Variants in KIAA2012 observed in about 807,000 individuals in gnomAD.
KIAA2012 encodes uncharacterized protein KIAA2012.
A neutral mutation model predicts 150.6 loss-of-function variants in KIAA2012; 125 were observed. The ratio of observed to expected loss-of-function variants is 0.83; its 90% confidence interval spans 0.72 to 0.96. The LOEUF (loss-of-function observed/expected upper bound fraction) is 0.96, where lower values mean the gene tolerates loss of function less well. KIAA2012 is among the 40% of genes least tolerant of loss of function. The pLI is 0.00. For missense variants in KIAA2012, 1,219 were observed against 1,354.9 expected, an observed-to-expected ratio of 0.90 and a Z score of 1.57; for synonymous variants, 462 against 504.7, an observed-to-expected ratio of 0.92 and a Z score of 1.13.
chr2:202,133,101 T>TAAAAAAAAAAAAA (rs376450801), intron 12 of KIAA2012, among the ~76,000 whole-genome samples: 1 of 74,186 alleles, frequency 1.3e-5, no homozygotes, highest in African/African-American at 6.0e-5. Context: ...TGAGACTGTC[T>TAAAAAAAAAAAAA]AAAAAAAAAT....
intron 13 of KIAA2012, among the ~76,000 whole-genome samples, chr2:202,149,876 G>A (rs1455140437): frequency 6.6e-6 from 1 of 152,172 alleles, no homozygotes; most frequent in Non-Finnish European, 1.5e-5. Flanking sequence ...AAATTACTGG[G>A]GAGAAGGATT....
chr2:202,098,314 C>T (rs1000925027), intron 5 of KIAA2012, among the ~76,000 whole-genome samples: 1 of 152,140 alleles, frequency 6.6e-6, no homozygotes, highest in Non-Finnish European at 1.5e-5. Context: ...AAGCCAAGAT[C>T]GCACCACTGC....
intron 15 of KIAA2012, among the ~76,000 whole-genome samples, chr2:202,173,791 C>G (rs1309165830): frequency 6.6e-6 from 1 of 151,980 alleles, no homozygotes; most frequent in Non-Finnish European, 1.5e-5. Flanking sequence ...GGGGAAAAGC[C>G]TTAGGGTCAT....
intron 7 of KIAA2012, among the ~76,000 whole-genome samples, chr2:202,102,477 G>T (rs1019989676): frequency 1.3e-5 from 2 of 152,226 alleles, no homozygotes; most frequent in African/African-American, 4.8e-5. Flanking sequence ...TACAGAGGAA[G>T]AAATTGTAGC....
chr2:202,139,223 C>A (rs1395994134), intron 13 of KIAA2012, among the ~76,000 whole-genome samples: 1 of 143,124 alleles, frequency 7.0e-6, no homozygotes, highest in Non-Finnish European at 1.5e-5. Flanking sequence ...CAGAGTGAGA[C>A]CCTGTCTCAG....
At chr2:202,190,747 AC>A (rs1692314996) in intron 19 of KIAA2012, among the ~76,000 whole-genome samples, 1 of 152,080 alleles carries the variant, frequency 6.6e-6, no homozygotes, top group Non-Finnish European at 1.5e-5. Context: ...GCAAGTATCC[AC>A]CCTTTAAAGA....
At chr2:202,110,575 C>T (rs1690320026) in intron 10 of KIAA2012, among the ~76,000 whole-genome samples, 1 of 152,192 alleles carries the variant, frequency 6.6e-6, no homozygotes, top group Admixed American at 6.5e-5. Context: ...AAGGAGATGA[C>T]ATGTGTTTGG....
chr2:202,097,306 A>G, intron 4 of KIAA2012, 129 bp from the exon 5 acceptor site: 1 of 1,404,054 alleles, frequency 7.1e-7, no homozygotes, highest in Non-Finnish European at 9.5e-7. Context: ...AAAATAAGGG[A>G]GGAGGGGGAG....
At chr2:202,110,226 G>T (rs937163689) in intron 10 of KIAA2012, among the ~76,000 whole-genome samples, 5 of 152,206 alleles carry the variant, frequency 3.3e-5, no homozygotes, top group Admixed American at 6.5e-5. Flanking sequence ...CACAGAGACG[G>T]AAAGACCCTA....
intron 2 of KIAA2012, among the ~76,000 whole-genome samples, chr2:202,079,797 A>C (rs922877876): frequency 6.6e-5 from 10 of 152,216 alleles, no homozygotes; most frequent in Non-Finnish European, 1.2e-4. Flanking sequence ...CCTTTAATTT[A>C]TTCAGCTTCC....
chr2:202,082,448 C>G (rs1689471646), intron 2 of KIAA2012, among the ~76,000 whole-genome samples: 1 of 152,028 alleles, frequency 6.6e-6, no homozygotes, highest in South Asian at 2.1e-4. Context: ...GGTTGCCTGC[C>G]TTTTCACTCG....
intron 14 of KIAA2012, among the ~76,000 whole-genome samples, chr2:202,158,139 C>G (rs1268689324): frequency 6.6e-6 from 1 of 152,166 alleles, no homozygotes; most frequent in Non-Finnish European, 1.5e-5. Context: ...GGACTACAGG[C>G]GCCCGCCACC....
chr2:202,165,456 T>G, intron 15 of KIAA2012, 100 bp downstream of exon 15: 140 of 1,190,708 alleles, frequency 1.2e-4, no homozygotes, highest in Non-Finnish European at 1.5e-4. Flanking sequence ...GCACGGTGGC[T>G]CACGCCTGTA....
chr2:202,201,771 G>A, intron 22 of KIAA2012: 4 of 1,314,430 alleles, frequency 3.0e-6, no homozygotes, highest in East Asian at 4.6e-5. Context: ...GTAGGCAGTC[G>A]GAGCATCAGT....
At chr2:202,156,755 G>A (rs796140303) in intron 14 of KIAA2012, among the ~76,000 whole-genome samples, 1 of 152,076 alleles carries the variant, frequency 6.6e-6, no homozygotes, top group Admixed American at 6.5e-5. Context: ...TGTGGTGGTG[G>A]GCACCTGTAG....
In KIAA2012 at chr2:202,190,297, A is replaced by G. The variant is rs1472000491; in HGVS notation, c.2615A>G (p.Tyr872Cys). ...AAELSGPDVS[Y>C]EETEDTSNRG... ...GAGCTGAGCGGGCCTGATGTCAGCT[A>G]TGAGGAAACAGAAGACACCTCAAAT... is the stretch of plus-strand genomic sequence containing the variant. The change falls in exon 19 of 24, where the codon TAT (tyrosine) becomes TGT (cysteine). Residue 872 changes from tyrosine (Y) to cysteine (C), a missense_variant. By Grantham distance (194) the Tyr-to-Cys change is radical. Coordinates refer to ENST00000498697, the MANE Select transcript of KIAA2012 (RefSeq NM_001277372.4). The G allele has an allele frequency of 6.4e-7, 1 of 1,550,608 alleles. No individual in the cohort carries two copies. The highest frequency in any genetic ancestry group is 8.7e-7 in the Non-Finnish European group (1 of 1,147,008).
intron 22 of KIAA2012, chr2:202,201,692 A>G (rs1444073128): frequency 3.1e-6 from 5 of 1,603,344 alleles, no homozygotes; most frequent in Non-Finnish European, 4.3e-6. Flanking sequence ...AGGCTCCAGG[A>G]AAGCGGCCGA....
intron 23 of KIAA2012, among the ~76,000 whole-genome samples, chr2:202,204,044 C>G (rs1488462176): frequency 6.6e-6 from 1 of 150,916 alleles, no homozygotes; most frequent in African/African-American, 2.4e-5. Context: ...GCTGGGATTA[C>G]AGGCGTGAGC....
At chr2:202,115,712 C>T (rs948761370) in intron 11 of KIAA2012, 7 of 147,418 alleles carry the variant, frequency 4.7e-5, no homozygotes, top group Non-Finnish European at 1.0e-4. Flanking sequence ...CTTTAGGGAT[C>T]ATAGTTGTTG....
Sources: gnomAD v4.1 joint callset for allele counts (sites outside exome capture counted in the v4.1 genomes callset) on GRCh38, gnomAD v4.1.1 for gene constraint, MANE v1.5 for transcripts, NCBI Gene and HGNC (gene_info 2026-07-23, HGNC 2026-07-21) for gene names.